Variants in HCN1 observed in about 807,000 individuals in gnomAD.
The protein encoded by HCN1 is potassium/sodium hyperpolarization-activated cyclic nucleotide-gated channel 1.
In HCN1, 13 loss-of-function variants were observed where a neutral mutation model predicts 78.9. That is an observed-to-expected ratio of 0.16 (90% CI 0.11 to 0.26). HCN1 has a LOEUF of 0.26. Ranked by LOEUF, HCN1 falls within the 10% of genes least tolerant of loss-of-function variation. HCN1 has a pLI of 1.00. For synonymous variants in HCN1, 552 were observed against 455.5 expected, an observed-to-expected ratio of 1.21 and a Z score of -2.70; for missense variants, 810 against 1,154.3, an observed-to-expected ratio of 0.70 and a Z score of 4.32.
intron 3 of HCN1, among the ~76,000 whole-genome samples, chr5:45,456,713 T>C (rs898681544): frequency 1.3e-5 from 2 of 152,040 alleles, no homozygotes; most frequent in Non-Finnish European, 2.9e-5. Context: ...AGTAGGTGCA[T>C]AAAATGTAAA....
intron 6 of HCN1, among the ~76,000 whole-genome samples, chr5:45,297,465 T>C (rs1745521933): frequency 6.6e-6 from 1 of 152,126 alleles, no homozygotes; most frequent in African/African-American, 2.4e-5. Context: ...CCAACATCAA[T>C]TATTCTATGA....
intron 5 of HCN1, among the ~76,000 whole-genome samples, chr5:45,311,855 A>G (rs1465280065): frequency 6.6e-6 from 1 of 152,244 alleles, no homozygotes; most frequent in Non-Finnish European, 1.5e-5. Flanking sequence ...TTTCACCCTC[A>G]AAGTTCATCA....
In HCN1 at chr5:45,469,578, A is replaced by T. The variant is rs1741345705; in HGVS notation, c.850-7571T>A. Among the ~76,000 whole-genome samples, 3 of 152,084 alleles carry T rather than the reference A, an allele frequency of 2.0e-5. No homozygotes were observed. In the South Asian group the frequency reaches 6.2e-4, roughly 32 times the overall value. On this transcript the variant is annotated intron_variant, in intron 2 of 7. Transcript: ENST00000303230. Reference sequence around the variant, plus strand: ...TTTGTCTGAAGATTATTTGATGTTTACTATACACACTTAATTTCCAGATGT... The same window carrying T: ...TTTGTCTGAAGATTATTTGATGTTTTCTATACACACTTAATTTCCAGATGT...
At chr5:45,589,873 G>C (rs1433297001) in intron 2 of HCN1, among the ~76,000 whole-genome samples, 2 of 152,078 alleles carry the variant, frequency 1.3e-5, no homozygotes, top group Non-Finnish European at 2.9e-5. Flanking sequence ...ACATCTCCCT[G>C]ATCTATAAAT....
At chr5:45,344,564 TA>T (rs1402027007) in intron 5 of HCN1, among the ~76,000 whole-genome samples, 2 of 152,138 alleles carry the variant, frequency 1.3e-5, no homozygotes, top group Non-Finnish European at 2.9e-5. Context: ...ATCAGGTAAA[TA>T]CAGCTATTCT....
At chr5:45,613,910 G>A (rs140065814) in intron 2 of HCN1, among the ~76,000 whole-genome samples, 74 of 152,158 alleles carry the variant, frequency 4.9e-4, no homozygotes, top group African/African-American at 1.7e-3. Context: ...CAGATAATCC[G>A]CAGTCTTATG....
intron 3 of HCN1, among the ~76,000 whole-genome samples, chr5:45,453,114 A>G (rs536608007): frequency 6.6e-6 from 1 of 152,142 alleles, no homozygotes; most frequent in Admixed American, 6.5e-5. Context: ...ATTATCTGAA[A>G]ATAGGCAACT....
At chr5:45,396,433 T>G in intron 4 of HCN1, 59 bp downstream of exon 4, 1 of 1,338,592 alleles carries the variant, frequency 7.5e-7, no homozygotes, top group East Asian at 2.4e-5. Context: ...TGAACACAAT[T>G]CAATTTACTG....
chr5:45,558,547 T>C (rs1249661450), intron 2 of HCN1: 1 of 152,142 alleles, frequency 6.6e-6, no homozygotes, highest in Non-Finnish European at 1.5e-5. Flanking sequence ...TTTTGAACTT[T>C]GATAGGTAGA....
chr5:45,671,439 C>G lies in HCN1; in HGVS notation c.425+24230G>C, dbSNP rs889205260. On this transcript the variant is annotated intron_variant, in intron 1 of 7. Coordinates refer to ENST00000303230, the MANE Select transcript of HCN1 (RefSeq NM_021072.4). ...TATATATAGCTATAGATAATCGCTTCACCCCATCCCCACACTCCCACTAGA... is the reference window on the plus strand; with the variant it reads ...TATATATAGCTATAGATAATCGCTTGACCCCATCCCCACACTCCCACTAGA... 2.0e-5 allele frequency among the ~76,000 whole-genome samples: 3 copies of G among 151,252 alleles called. No individual in the cohort carries two copies. The East Asian group carries it at 5.8e-4, about 29-fold the overall frequency.
Position 45,696,142 on chromosome 5 carries a change from GC to G in HCN1, c.-50del. On this transcript the variant is annotated 5_prime_UTR_variant, in exon 1 of 8. Coordinates refer to ENST00000303230, the MANE Select transcript of HCN1 (RefSeq NM_021072.4). ...GGCGCGGGCTCCAGACTCGCCGGCC[GC>G]CCGGCGCCGGAGACACGTAGCCGAG... is the stretch of plus-strand genomic sequence containing the variant. 1 of 1,227,172 alleles carries G rather than the reference GC, an allele frequency of 8.1e-7. No homozygotes were observed. Among genetic ancestry groups the G allele is most frequent in the Non-Finnish European group, 1.0e-6 (1 of 965,780 alleles). The allele number at this position is 1,227,172 out of a possible 1,614,324, so 76.0% of individuals were successfully genotyped here.
At chr5:45,499,557 C>T (rs1742146267) in intron 2 of HCN1, among the ~76,000 whole-genome samples, 1 of 152,188 alleles carries the variant, frequency 6.6e-6, no homozygotes. Flanking sequence ...TTCTGCGTCG[C>T]TTACGCTGGG....
At chr5:45,485,711 G>A (rs1419386272) in intron 2 of HCN1, among the ~76,000 whole-genome samples, 1 of 152,044 alleles carries the variant, frequency 6.6e-6, no homozygotes, top group African/African-American at 2.4e-5. Flanking sequence ...AAGATAGTAC[G>A]ATCGTTCTTA....
At chr5:45,573,089 T>C (rs549858620) in intron 2 of HCN1, among the ~76,000 whole-genome samples, 1 of 152,152 alleles carries the variant, frequency 6.6e-6, no homozygotes, top group African/African-American at 2.4e-5. Context: ...GATAGAAACT[T>C]ACTTGTTTTA....
At chr5:45,477,334 A>T (rs1741541881) in intron 2 of HCN1, among the ~76,000 whole-genome samples, 1 of 152,190 alleles carries the variant, frequency 6.6e-6, no homozygotes, top group South Asian at 2.1e-4. Flanking sequence ...ATAATCATTC[A>T]GAATGGTGAT....
At chr5:45,504,535 C>T (rs1275936978) in intron 2 of HCN1, among the ~76,000 whole-genome samples, 4 of 152,020 alleles carry the variant, frequency 2.6e-5, no homozygotes, top group East Asian at 1.9e-4. Context: ...GTCTTTGCTA[C>T]TGTGAATAGT....
rs377418463 is a variant in HCN1, at chr5:45,359,416, A to AATAT, written c.1231-6174_1231-6171dup. 9.2e-3 allele frequency among the ~76,000 whole-genome samples: 1,317 copies of AATAT among 142,544 alleles called. 33 individuals carry two copies. Among genetic ancestry groups the AATAT allele is most frequent in the African/African-American group, 0.033 (1,278 of 39,218 alleles). The allele number at this position is 142,544 out of a possible 152,430, so 93.5% of individuals were successfully genotyped here. On this transcript the variant is annotated intron_variant, in intron 4 of 7. Transcript: ENST00000303230. The stretch of plus-strand genomic sequence containing the variant: ...TTTCAGGAAGCATCAAAAAAAAAAA[A>AATAT]ATATATATATATATATATCACCTGA...
chr5:45,372,239 A>C lies in HCN1; in HGVS notation c.1231-18993T>G, dbSNP rs1468720790. Among the ~76,000 whole-genome samples, 10 of 73,634 alleles carry C rather than the reference A, an allele frequency of 1.4e-4. 1 individual carries two copies. In the East Asian group the frequency reaches 5.1e-3, roughly 38 times the overall value. The allele number at this position is 73,634 out of a possible 152,430, so 48.3% of individuals were successfully genotyped here. A position where few individuals can be genotyped will look rare whatever the true frequency, so the allele number is the denominator to read the frequency against. On this transcript the variant is annotated intron_variant, in intron 4 of 7. Transcript: ENST00000303230. ...ATATAATATATATAATATATATTAT[A>C]TTTTATATATAATATATATTTATAT...
At chr5:45,390,248 T>G (rs1351794924) in intron 4 of HCN1, among the ~76,000 whole-genome samples, 1 of 152,152 alleles carries the variant, frequency 6.6e-6, no homozygotes, top group African/African-American at 2.4e-5. Context: ...TTGATTCTTG[T>G]CAATGTGGGT....
Sources: gnomAD v4.1 joint callset for allele counts (sites outside exome capture counted in the v4.1 genomes callset) on GRCh38, gnomAD v4.1.1 for gene constraint, MANE v1.5 for transcripts, NCBI Gene and HGNC (gene_info 2026-07-23, HGNC 2026-07-21) for gene names.